The following ANGPTL2 variants were observed in gnomAD, a reference collection of about 807,000 sequenced individuals.
ANGPTL2 encodes the protein angiopoietin-related protein 2.
A neutral mutation model predicts 52.8 loss-of-function variants in ANGPTL2; 25 were observed. The ratio of observed to expected loss-of-function variants is 0.47; its 90% confidence interval spans 0.35 to 0.66. The LOEUF is 0.66. ANGPTL2 is among the 30% of genes least tolerant of loss of function. The pLI is 0.01. For synonymous variants in ANGPTL2, 276 were observed against 277.4 expected (o/e 1.00, Z 0.05); for missense variants, 546 against 656.9 (o/e 0.83, Z 1.84).
chr9:127,103,921 A>G (rs1041455818), intron 2 of ANGPTL2, among the ~76,000 whole-genome samples: 1 of 152,068 alleles, frequency 6.6e-6, no homozygotes, highest in Non-Finnish European at 1.5e-5. Flanking sequence ...GTTAAAACAT[A>G]CTTTGGTTTG....
chr9:127,104,243 C>T (rs2054007181), intron 2 of ANGPTL2, among the ~76,000 whole-genome samples: 1 of 152,186 alleles, frequency 6.6e-6, no homozygotes, highest in Non-Finnish European at 1.5e-5. Context: ...TGACAAAGCC[C>T]GTCTGTGGCA....
At chr9:127,111,816 G>A (rs1974291) in intron 1 of ANGPTL2, among the ~76,000 whole-genome samples, 58,464 of 152,088 alleles carry the variant, frequency 0.38, 12,911 homozygotes, top group Non-Finnish European at 0.48. Context: ...GCAGAACCAG[G>A]GCTCAACCCT....
chr9:127,106,689 A>T (rs904225155), intron 2 of ANGPTL2, among the ~76,000 whole-genome samples: 1 of 152,154 alleles, frequency 6.6e-6, no homozygotes, highest in Non-Finnish European at 1.5e-5. Context: ...GCTGCAGTGG[A>T]TGCTCACTTT....
Position 127,108,525 on chromosome 9 carries a change from G to T in ANGPTL2, c.207C>A (p.Ile69=). ...IVPQQRVTGA[I]CVNSKEPEVL... is the part of the protein sequence containing the mutation. ...CCTCAGGCTCCTTGGAGTTGACGCA[G>T]ATGGCACCCGTGACCCGCTGCTGGG... Residue 69 remains isoleucine, a synonymous_variant, in exon 2 of 5, where the codon ATC becomes ATA. Transcript: ENST00000373425. 2.5e-6 allele frequency: 4 copies of T among 1,613,242 alleles called. No homozygotes were observed. Among genetic ancestry groups the T allele is most frequent in the Non-Finnish European group, 3.4e-6 (4 of 1,179,810 alleles).
intron 1 of ANGPTL2, among the ~76,000 whole-genome samples, chr9:127,117,082 A>G (rs1439675341): frequency 6.6e-6 from 1 of 152,144 alleles, no homozygotes; most frequent in Non-Finnish European, 1.5e-5. Context: ...TTGTGTTGTC[A>G]TGCCTCCCTG....
chr9:127,107,843 G>A, intron 2 of ANGPTL2, 72 bp downstream of exon 2: 1 of 1,447,454 alleles, frequency 6.9e-7, no homozygotes, highest in Non-Finnish European at 9.3e-7. Flanking sequence ...TTCCCCATTT[G>A]TGGACACAGC....
At chr9:127,092,670 C>T (rs1802071015) in intron 3 of ANGPTL2, among the ~76,000 whole-genome samples, 1 of 152,116 alleles carries the variant, frequency 6.6e-6, no homozygotes, top group African/African-American at 2.4e-5. Flanking sequence ...TGAACTGAGG[C>T]CCAGAGAGGC....
At chr9:127,089,196 A>ATTC in intron 4 of ANGPTL2, 58 bp from the exon 5 acceptor site, 3 of 1,583,218 alleles carry the variant, frequency 1.9e-6, no homozygotes, top group Non-Finnish European at 2.6e-6. Context: ...ACTTGCGTCC[A>ATTC]TAGTGCTCAG....
rs1333924892 is a variant in ANGPTL2 at position 127,108,384 on chromosome 9, A to C, written c.348T>G (p.Ile116Met). Residue 116 changes from isoleucine to methionine, a missense_variant, in exon 2 of 5, where the codon ATT becomes ATG. Ile to Met is a conservative substitution (Grantham distance 10). Around this residue, in one of 2 missense-constraint regions of ANGPTL2, gnomAD observed 285 missense variants for 295.8 expected, o/e 0.96. Coordinates refer to ENST00000373425, the MANE Select transcript of ANGPTL2 (RefSeq NM_012098.3). ...LQQLVEVDGG[I>M]VSEVKLLRKE... ...TGCGCAGCAGCTTCACCTCGCTCAC[A>C]ATGCCGCCGTCCACCTCCACCAGCT... The C allele has an allele frequency of 6.2e-7, 1 of 1,609,266 alleles. No individual in the cohort carries two copies. Among genetic ancestry groups the C allele is most frequent in the African/African-American group, 1.3e-5 (1 of 74,556 alleles).
At chr9:127,107,811 T>TGGCTTCAACTGGCCATGGCTTTTCCCC in intron 2 of ANGPTL2, 104 bp downstream of exon 2, 1 of 1,226,670 alleles carries the variant, frequency 8.2e-7, no homozygotes, top group East Asian at 2.4e-5. Flanking sequence ...GTCTTTGGCC[T>TGGCTTCAACTGGCCATGGCTTTTCCCC]GGCTTCAACT....
intron 1 of ANGPTL2, among the ~76,000 whole-genome samples, chr9:127,112,061 T>C (rs184943052): frequency 0.01 from 1,561 of 152,306 alleles, 10 homozygotes; most frequent in Middle Eastern, 0.024. Context: ...AGTGAGCAGT[T>C]ACAAAAGAGA....
intron 2 of ANGPTL2, among the ~76,000 whole-genome samples, chr9:127,104,158 C>T (rs1464186316): frequency 2.6e-5 from 4 of 152,168 alleles, no homozygotes; most frequent in African/African-American, 4.8e-5. Flanking sequence ...ATAAAGTGAA[C>T]TGGTTGTATT....
rs116464141 is a variant in ANGPTL2 at position 127,119,145 on chromosome 9, C to T, written c.-50+3170G>A. ...CAGGCACGTGGAACAAGTCAGCCAA[C>T]CTGGTTTCGAAGCTCAGTTCCTCTT... On this transcript the variant is annotated intron_variant, in intron 1 of 4. Coordinates refer to ENST00000373425, the MANE Select transcript of ANGPTL2 (RefSeq NM_012098.3). 5.1e-3 allele frequency among the ~76,000 whole-genome samples: 784 copies of T among 152,304 alleles called. 9 individuals are homozygous for T. The highest frequency in any genetic ancestry group is 0.018 in the African/African-American group (752 of 41,568).
chr9:127,093,984 C>A, intron 2 of ANGPTL2, 58 bp from the exon 3 acceptor site: 1 of 1,568,326 alleles, frequency 6.4e-7, no homozygotes, highest in Non-Finnish European at 8.7e-7. Context: ...GCCGCACCCC[C>A]AGCTGCACCC....
chr9:127,108,387 G>A lies in ANGPTL2; in HGVS notation c.345C>T (p.Gly115=). 6.2e-7 allele frequency: 1 copy of A among 1,609,360 alleles called. No homozygotes were observed. The highest frequency in any genetic ancestry group is 8.5e-7 in the Non-Finnish European group (1 of 1,178,162). Residue 115 remains glycine (G), a synonymous_variant, in exon 2 of 5, where the codon GGC becomes GGT. Transcript: ENST00000373425. ...GCAGCAGCTTCACCTCGCTCACAAT[G>A]CCGCCGTCCACCTCCACCAGCTGCT... ...TLQQLVEVDG[G]IVSEVKLLRK...
At chr9:127,093,608 G>T in intron 3 of ANGPTL2, 125 bp downstream of exon 3, 1 of 1,187,420 alleles carries the variant, frequency 8.4e-7, no homozygotes, top group Non-Finnish European at 1.2e-6. Flanking sequence ...TGTTGTTGGG[G>T]CCGCACAGGC....
chr9:127,119,726 C>G (rs1824572283), intron 1 of ANGPTL2, among the ~76,000 whole-genome samples: 1 of 152,238 alleles, frequency 6.6e-6, no homozygotes, highest in Non-Finnish European at 1.5e-5. Flanking sequence ...TCAGCAATAA[C>G]ATGTAGTCCC....
At chr9:127,101,897 A>AAAGT (rs2053767448) in intron 2 of ANGPTL2, among the ~76,000 whole-genome samples, 1 of 152,238 alleles carries the variant, frequency 6.6e-6, no homozygotes, top group African/African-American at 2.4e-5. Flanking sequence ...ATATCAGGGA[A>AAAGT]AAGTAACTTA....
chr9:127,094,346 G>A lies in ANGPTL2; in HGVS notation c.818-420C>T, dbSNP rs564779667. ...AAAAAGAGATGTGGACCTACTAAAC[G>A]TGGCAACATCAGTCAGTGCCTGCAG... On this transcript the variant is annotated intron_variant, in intron 2 of 4. Transcript: ENST00000373425. 5.3e-5 allele frequency among the ~76,000 whole-genome samples: 8 copies of A among 152,276 alleles called. No homozygotes were observed. In the East Asian group the frequency reaches 7.7e-4, roughly 15 times the overall value.
Sources: allele counts gnomAD v4.1 joint callset (sites outside exome capture counted in the v4.1 genomes callset), GRCh38; gene constraint gnomAD v4.1.1; regional missense constraint gnomAD v4.1.1; transcripts MANE v1.5; gene names NCBI Gene and HGNC (gene_info 2026-07-23, HGNC 2026-07-21).